The following DEPTOR variants were observed in gnomAD, a reference collection of about 807,000 sequenced individuals.
DEPTOR encodes DEP domain containing MTOR interacting protein, also known as DEP domain-containing mTOR-interacting protein.
Under a neutral mutation model 41.6 loss-of-function variants are expected in DEPTOR, and 41 were observed. That is an observed-to-expected ratio of 0.98 (90% CI 0.77 to 1.28). The LOEUF (loss-of-function observed/expected upper bound fraction) is 1.28, where lower values mean the gene tolerates loss of function less well. Among genes scored for constraint, DEPTOR ranks in the 50% most tolerant of loss-of-function variants. The pLI, the probability that DEPTOR is intolerant of heterozygous loss-of-function variation, is 0.00. For missense variants in DEPTOR, 514 were observed against 527.9 expected, an observed-to-expected ratio of 0.97 and a Z score of 0.26; for synonymous variants, 195 against 192.3, an observed-to-expected ratio of 1.01 and a Z score of -0.12.
chr8:120,001,191 G>A (rs767991406), intron 4 of DEPTOR, among the ~76,000 whole-genome samples: 11 of 152,134 alleles, frequency 7.2e-5, no homozygotes, highest in Admixed American at 2.0e-4. Flanking sequence ...GAGTTTAGAG[G>A]GAAAGAGAAG....
At chr8:120,043,427 C>A (rs549888030) in intron 8 of DEPTOR, among the ~76,000 whole-genome samples, 3 of 152,100 alleles carry the variant, frequency 2.0e-5, no homozygotes, top group Admixed American at 1.3e-4. Context: ...CAAAAAGAAA[C>A]CCAAAACCTT....
intron 8 of DEPTOR, among the ~76,000 whole-genome samples, chr8:120,035,410 C>G (rs1210343196): frequency 6.6e-6 from 1 of 152,124 alleles, no homozygotes; most frequent in African/African-American, 2.4e-5. Flanking sequence ...ACAGGGTATT[C>G]TAAAGAACTT....
At position 120,040,365 on chromosome 8, in the gene DEPTOR, G is replaced by C. The variant is rs535695098; in HGVS notation, c.1102-9211G>C. On this transcript the variant is annotated intron_variant, in intron 8 of 8. Transcript: ENST00000286234. ...GCCGAGGCGGGCAGATCTCGAGGTC[G>C]GGAGATCAAGACCATCCTGGCTAAC... 7.9e-5 allele frequency among the ~76,000 whole-genome samples: 12 copies of C among 151,886 alleles called. No homozygotes were observed. The South Asian group carries it at 1.7e-3, about 21-fold the overall frequency.
chr8:120,021,079 A>AAAATAAAATAAAATAAAATCAT (rs1167047053), intron 8 of DEPTOR, among the ~76,000 whole-genome samples: 1 of 146,334 alleles, frequency 6.8e-6, no homozygotes, highest in African/African-American at 2.7e-5. Context: ...AAAATAAAAT[A>AAAATAAAATAAAATAAAATCAT]AAATAAAATA....
At chr8:119,973,219 A>C (rs1294835233) in intron 4 of DEPTOR, among the ~76,000 whole-genome samples, 1 of 151,904 alleles carries the variant, frequency 6.6e-6, no homozygotes, top group East Asian at 1.9e-4. Flanking sequence ...GATTACAGGC[A>C]TGAGCCACTG....
intron 3 of DEPTOR, among the ~76,000 whole-genome samples, chr8:119,934,023 G>C (rs1828078583): frequency 6.6e-6 from 1 of 152,120 alleles, no homozygotes; most frequent in Non-Finnish European, 1.5e-5. Flanking sequence ...GGGACTACAG[G>C]CGTGTGCCAC....
chr8:120,035,267 C>T (rs773393046), intron 8 of DEPTOR, among the ~76,000 whole-genome samples: 44 of 152,052 alleles, frequency 2.9e-4, no homozygotes, highest in Non-Finnish European at 5.7e-4. Context: ...TTGCAGTGAG[C>T]GGAGATGGCA....
At chr8:119,989,921 A>G (rs1346689115) in intron 4 of DEPTOR, among the ~76,000 whole-genome samples, 1 of 152,218 alleles carries the variant, frequency 6.6e-6, no homozygotes, top group Non-Finnish European at 1.5e-5. Context: ...TATTTTGCCA[A>G]TAATTTCAAA....
At chr8:119,923,286 C>T (rs951120469) in intron 1 of DEPTOR, among the ~76,000 whole-genome samples, 10 of 151,828 alleles carry the variant, frequency 6.6e-5, no homozygotes, top group South Asian at 4.2e-4. Context: ...CTGTGGTGCC[C>T]GGGCTGGAAT....
intron 1 of DEPTOR, among the ~76,000 whole-genome samples, chr8:119,879,446 C>T (rs553673258): frequency 1.3e-5 from 2 of 152,204 alleles, no homozygotes; most frequent in Admixed American, 1.3e-4. Context: ...TGCAGTGGCT[C>T]ACGCCTATTA....
intron 3 of DEPTOR, among the ~76,000 whole-genome samples, chr8:119,959,317 C>A (rs1206221248): frequency 2.0e-5 from 3 of 151,792 alleles, no homozygotes; most frequent in Non-Finnish European, 4.4e-5. Flanking sequence ...CGCCCACCAC[C>A]ACGCCCAGCT....
chr8:120,048,228 T>A (rs1293987096), intron 8 of DEPTOR, among the ~76,000 whole-genome samples: 2 of 152,134 alleles, frequency 1.3e-5, no homozygotes, highest in African/African-American at 4.8e-5. Flanking sequence ...GACAAGGGAT[T>A]TGAAATTTCC....
intron 4 of DEPTOR, among the ~76,000 whole-genome samples, chr8:119,981,213 G>A (rs569316874): frequency 4.6e-5 from 7 of 152,292 alleles, no homozygotes; most frequent in East Asian, 1.9e-4. Context: ...AACTGTTAAT[G>A]TATGGCTTCC....
Position 119,887,081 on chromosome 8 carries a change from T to C in DEPTOR, c.122+13113T>C, listed in dbSNP as rs1310956180. Among the ~76,000 whole-genome samples, 5 of 145,018 alleles carry C rather than the reference T, an allele frequency of 3.4e-5. No homozygotes were observed. In the South Asian group the frequency reaches 6.7e-4, roughly 20 times the overall value. On this transcript the variant is annotated intron_variant, in intron 1 of 8. Coordinates refer to ENST00000286234, the MANE Select transcript of DEPTOR (RefSeq NM_022783.4). ...ATTAAAGACTATGGAGAAATGGTTATGTGTTTTTACCAGTCCCTTCCCCTT... is the reference window on the plus strand; with the variant it reads ...ATTAAAGACTATGGAGAAATGGTTACGTGTTTTTACCAGTCCCTTCCCCTT...
At chr8:119,993,538 A>T (rs1400633037) in intron 4 of DEPTOR, among the ~76,000 whole-genome samples, 1 of 152,232 alleles carries the variant, frequency 6.6e-6, no homozygotes, top group Non-Finnish European at 1.5e-5. Flanking sequence ...TTGAATGTAG[A>T]TGTTGAACAC....
intron 8 of DEPTOR, among the ~76,000 whole-genome samples, chr8:120,020,743 T>A (rs540141250): frequency 1.4e-4 from 22 of 152,258 alleles, no homozygotes; most frequent in African/African-American, 5.3e-4. Flanking sequence ...TAAACTAATC[T>A]AAGCCTCAAA....
chr8:119,956,740 G>GTTTT (rs71571641), intron 3 of DEPTOR, among the ~76,000 whole-genome samples: 2 of 92,006 alleles, frequency 2.2e-5, no homozygotes, highest in African/African-American at 4.1e-5. Context: ...TTTTTTTTTT[G>GTTTT]TTTTTTTTTT....
At chr8:119,909,502 T>C (rs1206596042) in intron 1 of DEPTOR, among the ~76,000 whole-genome samples, 4 of 152,172 alleles carry the variant, frequency 2.6e-5, no homozygotes, top group Non-Finnish European at 5.9e-5. Context: ...CTATCTACCA[T>C]AGCAAAGTAG....
chr8:119,879,123 G>T (rs1240463150), intron 1 of DEPTOR, among the ~76,000 whole-genome samples: 3 of 147,180 alleles, frequency 2.0e-5, no homozygotes, highest in Admixed American at 1.4e-4. Flanking sequence ...AAAAAAAAAT[G>T]CATTTGGATA....
Sources: gnomAD v4.1 joint callset for allele counts (sites outside exome capture counted in the v4.1 genomes callset) on GRCh38, gnomAD v4.1.1 for gene constraint, MANE v1.5 for transcripts, NCBI Gene and HGNC (gene_info 2026-07-23, HGNC 2026-07-21) for gene names.